ABCB4: variants seen among roughly 807,000 people sequenced by gnomAD.
ABCB4 encodes the protein phosphatidylcholine translocator ABCB4.
A neutral mutation model predicts 145.7 loss-of-function variants in ABCB4; 76 were observed. That is an observed-to-expected ratio of 0.52 (90% CI 0.43 to 0.63). The LOEUF is 0.63. Ranked by LOEUF, ABCB4 falls within the 30% of genes least tolerant of loss-of-function variation. The pLI is 0.00. For missense variants in ABCB4, 1,234 were observed against 1,553.1 expected (o/e 0.79, Z 3.45); for synonymous variants, 517 against 566.8 (o/e 0.91, Z 1.25).
Position 87,439,647 on chromosome 7 carries a change from G to T in ABCB4, c.1731+20C>A. On this transcript the variant is annotated intron_variant, in intron 14 of 27. Coordinates refer to ENST00000649586, the MANE Select transcript of ABCB4 (RefSeq NM_000443.4). The stretch of plus-strand genomic sequence containing the variant: ...TAGGTTTCAATGTGGTGGTCCTTCA[G>T]CTTTTTAGAGTCTACTGACCTTATC... 6.2e-7 allele frequency: 1 copy of T among 1,614,016 alleles called. No individual in the cohort carries two copies.
At chr7:87,369,806 C>T in the ABCB4 span, 2 of 148,724 alleles carry the variant, frequency 1.3e-5, no homozygotes, top group African/African-American at 4.9e-5. Flanking sequence ...ACATGTATAC[C>T]TAGCTTAAAA....
At chr7:87,382,948 A>C in the ABCB4 span, among the ~76,000 whole-genome samples, 1 of 152,228 alleles carries the variant, frequency 6.6e-6, no homozygotes, top group Non-Finnish European at 1.5e-5. Flanking sequence ...CCTAAGAAGA[A>C]GTAGAAGTCC....
chr7:87,450,057 A>T lies in ABCB4; in HGVS notation c.744T>A (p.Ala248=). Residue 248 remains alanine, a synonymous_variant, in exon 8 of 28, where the codon GCT becomes GCA. Coordinates refer to ENST00000649586, the MANE Select transcript of ABCB4 (RefSeq NM_000443.4). ...LSAFSDKELA[A]YAKAGAVAEE... is the part of the protein sequence containing the mutation. ...CTGCCACGGCGCCTGCTTTTGCATA[A>T]GCAGCTAGTTCTTTGTCACTAAATG... 1 of 1,614,200 alleles carries T rather than the reference A, an allele frequency of 6.2e-7. No homozygotes were observed. The highest frequency in any genetic ancestry group is 8.5e-7 in the Non-Finnish European group (1 of 1,180,020).
chr7:87,410,747 A>G (rs1444911787), intron 23 of ABCB4, among the ~76,000 whole-genome samples: 5 of 152,288 alleles, frequency 3.3e-5, no homozygotes, highest in African/African-American at 1.2e-4. Flanking sequence ...CTGAATCAAA[A>G]GGTTTTCTTG....
chr7:87,450,463 T>C (rs1811637441), intron 7 of ABCB4, among the ~76,000 whole-genome samples: 1 of 148,706 alleles, frequency 6.7e-6, no homozygotes. Flanking sequence ...CTTTATTGTG[T>C]CACAATTTTT....
intron 22 of ABCB4, among the ~76,000 whole-genome samples, chr7:87,413,073 A>G (rs137993059): frequency 1.5e-3 from 227 of 152,348 alleles, no homozygotes; most frequent in African/African-American, 5.3e-3. Flanking sequence ...ACTCATTTAT[A>G]AAATCAGGCT....
chr7:87,367,540 G>T, the ABCB4 span, among the ~76,000 whole-genome samples: 1 of 152,120 alleles, frequency 6.6e-6, no homozygotes, highest in South Asian at 2.1e-4. Context: ...AAAATATACT[G>T]ATTCAAATAT....
Position 87,440,450 on chromosome 7 carries a change from T to C in ABCB4, c.1357-48A>G, listed in dbSNP as rs557588658. 6 of 1,497,442 alleles carry C rather than the reference T, an allele frequency of 4.0e-6. No homozygotes were observed. In the African/African-American group the frequency reaches 8.3e-5, roughly 21 times the overall value. 92.8% of individuals were successfully genotyped at this position (1,497,442 alleles called of 1,614,324 possible). A position where few individuals can be genotyped will look rare whatever the true frequency, so the allele number is the denominator to read the frequency against. On this transcript the variant is annotated intron_variant, in intron 12 of 27. Coordinates refer to ENST00000649586, the MANE Select transcript of ABCB4 (RefSeq NM_000443.4). ...ATTAAGTATTTAACCATTTAATAGCTGAAGTATCAGGACCATTCATGAAAA... is the reference window on the plus strand; with the variant it reads ...ATTAAGTATTTAACCATTTAATAGCCGAAGTATCAGGACCATTCATGAAAA...
the ABCB4 span, among the ~76,000 whole-genome samples, chr7:87,384,445 T>A: frequency 6.6e-6 from 1 of 152,168 alleles, no homozygotes; most frequent in Non-Finnish European, 1.5e-5. Context: ...GGCACGAGAA[T>A]CCCTTGAACC....
the ABCB4 span, among the ~76,000 whole-genome samples, chr7:87,391,942 T>G: frequency 6.6e-6 from 1 of 152,174 alleles, no homozygotes; most frequent in Non-Finnish European, 1.5e-5. Flanking sequence ...AGGCAAAGGG[T>G]CTTCAGTACT....
chr7:87,398,603 T>G, downstream of ABCB4: 3 of 1,613,782 alleles, frequency 1.9e-6, no homozygotes, highest in Non-Finnish European at 2.5e-6. Context: ...TTTTTGTGCT[T>G]TTCATGATAT....
chr7:87,416,280 A>C (rs1236103018), intron 21 of ABCB4, among the ~76,000 whole-genome samples: 1 of 152,218 alleles, frequency 6.6e-6, no homozygotes, highest in African/African-American at 2.4e-5. Flanking sequence ...TCCGAATGTT[A>C]ATCTTCCCTC....
chr7:87,374,318 T>C, the ABCB4 span, among the ~76,000 whole-genome samples: 3 of 152,052 alleles, frequency 2.0e-5, no homozygotes, highest in Non-Finnish European at 2.9e-5. Context: ...TAAAATGTCA[T>C]TTCAGGTTTA....
intron 23 of ABCB4, among the ~76,000 whole-genome samples, chr7:87,410,892 C>G (rs1250466431): frequency 6.6e-6 from 1 of 152,202 alleles, no homozygotes; most frequent in Non-Finnish European, 1.5e-5. Flanking sequence ...GTCCCTCCAT[C>G]AAAGACCACA....
chr7:87,471,203 C>T (rs1473942917), intron 3 of ABCB4, among the ~76,000 whole-genome samples: 13 of 133,884 alleles, frequency 9.7e-5, no homozygotes, highest in South Asian at 7.9e-4. Flanking sequence ...CATCACACAC[C>T]GGGGCCTATT....
At chr7:87,375,708 C>A in the ABCB4 span, 1 of 1,613,360 alleles carries the variant, frequency 6.2e-7, no homozygotes, top group South Asian at 1.1e-5. Context: ...TAGTGAGGAG[C>A]GAACTCGATG....
At chr7:87,439,522 T>C in intron 14 of ABCB4, 145 bp downstream of exon 14, 2 of 1,010,602 alleles carry the variant, frequency 2.0e-6, no homozygotes, top group Non-Finnish European at 3.1e-6. Flanking sequence ...CAATGTAACC[T>C]GACAGAAAGG....
chr7:87,427,299 G>A (rs1809905025), intron 15 of ABCB4, among the ~76,000 whole-genome samples: 1 of 151,900 alleles, frequency 6.6e-6, no homozygotes, highest in Non-Finnish European at 1.5e-5. Context: ...TGTTTTTAAA[G>A]CTACAAACAA....
At chr7:87,417,036 G>A (rs1022879040) in intron 21 of ABCB4, among the ~76,000 whole-genome samples, 1 of 152,182 alleles carries the variant, frequency 6.6e-6, no homozygotes, top group East Asian at 1.9e-4. Context: ...GTAGCATTTG[G>A]ACATGAAGTA....
Sources: allele counts gnomAD v4.1 joint callset (sites outside exome capture counted in the v4.1 genomes callset), GRCh38; gene constraint gnomAD v4.1.1; transcripts MANE v1.5; gene names NCBI Gene and HGNC (gene_info 2026-07-23, HGNC 2026-07-21).